The following PSMB10 variants were observed in gnomAD, a reference collection of about 807,000 sequenced individuals.
PSMB10 encodes the protein proteasome 20S subunit beta 10, also known as proteasome subunit beta type-10.
Under a neutral mutation model 29.8 loss-of-function variants are expected in PSMB10, and 29 were observed. That is an observed-to-expected ratio of 0.97 (90% CI 0.73 to 1.33). The LOEUF (loss-of-function observed/expected upper bound fraction) is 1.33. Ranked by LOEUF, PSMB10 falls within the 40% of genes most tolerant of loss-of-function variation. The probability of loss-of-function intolerance (pLI) is 0.00; values close to 1 mark genes in which losing one functional copy is unlikely to be tolerated. For synonymous variants in PSMB10, 157 were observed against 164.7 expected (o/e 0.95, Z 0.36); for missense variants, 327 against 369.2 (o/e 0.89, Z 0.94).
In PSMB10 at chr16:67,934,688, A is replaced by G. The variant is rs369027242; in HGVS notation, c.711-17T>C. 20 of 1,613,468 alleles carry G rather than the reference A, an allele frequency of 1.2e-5. No individual in the cohort carries two copies. The highest frequency in any genetic ancestry group is 1.5e-5 in the Non-Finnish European group (18 of 1,179,618). On this transcript the variant is annotated splice_polypyrimidine_tract_variant and intron_variant, in intron 7 of 7. Coordinates refer to ENST00000358514, the MANE Select transcript of PSMB10 (RefSeq NM_002801.4). The surrounding 1 kb of genome is among the most constrained non-coding windows in gnomAD (Gnocchi z 4.3). ...CGGCCAGACCTGGGAGGGAGGAGGGACAGCCTCTGAACATGGGCCTGTCAT... is the reference window on the plus strand; with the variant it reads ...CGGCCAGACCTGGGAGGGAGGAGGGGCAGCCTCTGAACATGGGCCTGTCAT...
At position 67,936,425 on chromosome 16, in the gene PSMB10, C is replaced by T; in HGVS notation, c.117G>A (p.Gly39=). 1 of 1,613,570 alleles carries T rather than the reference C, an allele frequency of 6.2e-7. No individual in the cohort carries two copies. Among genetic ancestry groups the T allele is most frequent in the Non-Finnish European group, 8.5e-7 (1 of 1,179,860 alleles). Residue 39 remains glycine (G), a synonymous_variant, in exon 2 of 8, where the codon GGG becomes GGA. Transcript: ENST00000358514. ...GGAACACCAGGCCCGCGATGGTGGTCCCGGTCTTGCGTGCGTGAGGGACCT... is the reference window on the plus strand; with the variant it reads ...GGAACACCAGGCCCGCGATGGTGGTTCCGGTCTTGCGTGCGTGAGGGACCT... ...GLKVPHARKT[G]TTIAGLVFQD...
rs777607072 is a variant in PSMB10, at chr16:67,936,095, C to T, written c.251G>A (p.Gly84Glu). The change falls in exon 4 of 8, where the codon GGG becomes GAG. Residue 84 changes from glycine to glutamate, a missense_variant. Physicochemically the swap from Gly to Glu is moderately conservative, Grantham distance 98. Coordinates refer to ENST00000358514, the MANE Select transcript of PSMB10 (RefSeq NM_002801.4). ...HFIAPKIYCC[G>E]AGVAADAEMT... Reference sequence around the variant, plus strand: ...CTCGGCGTCCGCGGCTACTCCAGCCCCACAGCAGCTGAGGCAAAAGGGAGG... The same window carrying T: ...CTCGGCGTCCGCGGCTACTCCAGCCTCACAGCAGCTGAGGCAAAAGGGAGG... 2.5e-5 allele frequency: 40 copies of T among 1,609,330 alleles called. No individual in the cohort carries two copies. The highest frequency in any genetic ancestry group is 3.1e-5 in the Non-Finnish European group (37 of 1,176,456).
rs2058258957 is a variant in PSMB10 at position 67,935,400 on chromosome 16, CG to C, written c.558+19del. 1.9e-6 allele frequency: 3 copies of C among 1,613,212 alleles called. No individual in the cohort carries two copies. The South Asian group carries it at 3.3e-5, about 18-fold the overall frequency. On this transcript the variant is annotated intron_variant, in intron 6 of 7. Coordinates refer to ENST00000358514, the MANE Select transcript of PSMB10 (RefSeq NM_002801.4). Reference sequence around the variant, plus strand: ...CACATCCCACCAGCGACCACAAAGTCGGGGACAGAGGCCGCTCACCGTCATG... The same window carrying C: ...CACATCCCACCAGCGACCACAAAGTCGGGACAGAGGCCGCTCACCGTCATG...
chr16:67,936,025 T>C lies in PSMB10; in HGVS notation c.321A>G (p.Leu107=). ...CCACGCGGGGCTCGCGGCCCGTAGA[T>C]AACGCGTGTAGCTCCATCTTGGACG... is the stretch of plus-strand genomic sequence containing the variant. ...MVASKMELHA[L]STGREPRVAT... is the part of the protein sequence containing the mutation. Residue 107 remains leucine, a synonymous_variant, in exon 4 of 8, where the codon TTA becomes TTG. Coordinates refer to ENST00000358514, the MANE Select transcript of PSMB10 (RefSeq NM_002801.4). The C allele has an allele frequency of 6.2e-7, 1 of 1,612,754 alleles. No individual in the cohort carries two copies. The highest frequency in any genetic ancestry group is 1.3e-5 in the African/African-American group (1 of 75,018).
chr16:67,934,564 T>G lies in PSMB10; in HGVS notation c.818A>C (p.Glu273Ala). 6.2e-7 allele frequency: 1 copy of G among 1,613,562 alleles called. No homozygotes were observed. The change falls in exon 8 of 8, where the codon GAG (glutamate) becomes GCG (alanine). Residue 273 changes from glutamate (E) to alanine (A), a missense_variant. Transcript: ENST00000358514. The surrounding 1 kb of genome is among the most constrained non-coding windows in gnomAD (Gnocchi z 4.3). Reference protein sequence around the residue: ...VEETVQAMEVE With the variant: ...VEETVQAMEVA ...TTCCAAGCTCTAAGCCTCAGCTTACTCCACCTCCATAGCCTGCACAGTTTC... is the reference window on the plus strand; with the variant it reads ...TTCCAAGCTCTAAGCCTCAGCTTACGCCACCTCCATAGCCTGCACAGTTTC...
rs2058261341 is a variant in PSMB10, at chr16:67,935,895, T to C, written c.383+68A>G. 1.9e-6 allele frequency: 3 copies of C among 1,565,176 alleles called. No homozygotes were observed. The South Asian group carries it at 3.5e-5, about 18-fold the overall frequency. ...CGTCGCGGTCCCGCCCTTCTTTCTG[T>C]CCCGCCTTCCAATGGCCCCAACCCC... On this transcript the variant is annotated intron_variant, in intron 4 of 7. Coordinates refer to ENST00000358514, the MANE Select transcript of PSMB10 (RefSeq NM_002801.4).
chr16:67,936,073 G>GTA lies in PSMB10; in HGVS notation c.272_273insTA (p.Glu92ThrfsTer3). 6 of 1,611,008 alleles carry GTA rather than the reference G, an allele frequency of 3.7e-6. No homozygotes were observed. In the South Asian group the frequency reaches 5.5e-5, roughly 15 times the overall value. On this transcript the variant is annotated frameshift_variant, in exon 4 of 8. Transcript: ENST00000358514. LOFTEE classifies it high-confidence loss of function. The stretch of plus-strand genomic sequence containing the variant: ...ACGCCACCATCCGTGTGGTCATCTC[G>GTA]GCGTCCGCGGCTACTCCAGCCCCAC...
intron 6 of PSMB10, chr16:67,935,158 G>GT (rs2058257959): frequency 4.2e-6 from 3 of 719,088 alleles, no homozygotes; most frequent in Non-Finnish European, 6.8e-6. Flanking sequence ...GTTGATATAA[G>GT]TAGGACCCTA....
At chr16:67,936,658 G>A in intron 1 of PSMB10, 36 bp downstream of exon 1, 2 of 1,541,780 alleles carry the variant, frequency 1.3e-6, no homozygotes, top group Middle Eastern at 1.7e-4. Flanking sequence ...AGCAGAGGCG[G>A]CTCAGGAGTG....
chr16:67,934,746 C>T lies in PSMB10; in HGVS notation c.710+51G>A, dbSNP rs1291853264. ...ATCCCCTTTTTGCAGCCCCCTATCT[C>T]CCCTGCTATAGCCCCACACATCCCT... is the stretch of plus-strand genomic sequence containing the variant. On this transcript the variant is annotated intron_variant, in intron 7 of 7. Transcript: ENST00000358514. This position sits in a 1 kb window ranked among gnomAD's most constrained non-coding sequence, Gnocchi z 4.3. The T allele has an allele frequency of 1.2e-6, 2 of 1,610,342 alleles. No individual in the cohort carries two copies. Among genetic ancestry groups the T allele is most frequent in the Non-Finnish European group, 1.7e-6 (2 of 1,176,946 alleles).
rs1179623167 is a variant in PSMB10, at chr16:67,934,716, G to A, written c.711-45C>T. On this transcript the variant is annotated intron_variant, in intron 7 of 7. Coordinates refer to ENST00000358514, the MANE Select transcript of PSMB10 (RefSeq NM_002801.4). This position sits in a 1 kb window ranked among gnomAD's most constrained non-coding sequence, Gnocchi z 4.3. The stretch of plus-strand genomic sequence containing the variant: ...GCCTCTGAACATGGGCCTGTCATGT[G>A]GCCCATCCCCTTTTTGCAGCCCCCT... 1 of 1,611,436 alleles carries A rather than the reference G, an allele frequency of 6.2e-7. No homozygotes were observed. The highest frequency in any genetic ancestry group is 8.5e-7 in the Non-Finnish European group (1 of 1,177,824).
chr16:67,936,672 GC>G, intron 1 of PSMB10, 21 bp downstream of exon 1: 2 of 1,545,386 alleles, frequency 1.3e-6, no homozygotes, highest in Admixed American at 2.0e-5. Flanking sequence ...AGGAGTGACC[GC>G]CCCCCGCGCC....
In PSMB10 at chr16:67,934,641, G is replaced by T. The variant is rs745493826; in HGVS notation, c.741C>A (p.Thr247=). Residue 247 remains threonine, a synonymous_variant, in exon 8 of 8, where the codon ACC becomes ACA. Transcript: ENST00000358514. The surrounding 1 kb of genome is among the most constrained non-coding windows in gnomAD (Gnocchi z 4.3). ...RSGRYHFVPG[T]TAVLTQTVKP... ...TCACTGTCTGGGTCAGGACAGCTGT[G>T]GTTCCAGGCACAAAGTGGTAGCGGC... 1 of 1,614,162 alleles carries T rather than the reference G, an allele frequency of 6.2e-7. No homozygotes were observed. Among genetic ancestry groups the T allele is most frequent in the East Asian group, 2.2e-5 (1 of 44,888 alleles).
chr16:67,935,056 C>A, intron 6 of PSMB10, 108 bp from the exon 7 acceptor site: 1 of 1,414,502 alleles, frequency 7.1e-7, no homozygotes, highest in Non-Finnish European at 9.5e-7. Flanking sequence ...GCCCTCCAAA[C>A]CCCCACTGTG....
At chr16:67,936,362 C>T (rs750220820) in intron 2 of PSMB10, 36 bp downstream of exon 2, 4 of 1,611,064 alleles carry the variant, frequency 2.5e-6, no homozygotes, top group South Asian at 1.1e-5. Flanking sequence ...ATACTCTCGG[C>T]TCCCCTCCAG....
At chr16:67,935,837 T>A (rs2058261036) in intron 4 of PSMB10, 126 bp downstream of exon 4, 2 of 1,479,992 alleles carry the variant, frequency 1.4e-6, no homozygotes, top group Admixed American at 4.2e-5. Flanking sequence ...TAGCCCAGGT[T>A]CTCTTGGGCC....
rs941929811 is a variant in PSMB10 at position 67,935,457 on chromosome 16, A to G, written c.521T>C (p.Leu174Pro). ...TALGSGQDAA[L>P]AVLEDRFQPN... Reference sequence around the variant, plus strand: ...CTGGAACCGGTCTTCTAGCACCGCCAGGGCCGCGTCCTGACCAGAGCCTGA... The same window carrying G: ...CTGGAACCGGTCTTCTAGCACCGCCGGGGCCGCGTCCTGACCAGAGCCTGA... The change falls in exon 6 of 8, where the codon CTG (leucine) becomes CCG (proline). Residue 174 changes from leucine to proline, a missense_variant. Coordinates refer to ENST00000358514, the MANE Select transcript of PSMB10 (RefSeq NM_002801.4). 1 of 1,614,022 alleles carries G rather than the reference A, an allele frequency of 6.2e-7. No homozygotes were observed. Among genetic ancestry groups the G allele is most frequent in the African/African-American group, 1.3e-5 (1 of 74,924 alleles).
At position 67,935,709 on chromosome 16, in the gene PSMB10, T is replaced by C. The variant is rs1025664791; in HGVS notation, c.384-12A>G. 6 of 1,612,390 alleles carry C rather than the reference T, an allele frequency of 3.7e-6. No homozygotes were observed. The highest frequency in any genetic ancestry group is 1.3e-5 in the African/African-American group (1 of 74,880). On this transcript the variant is annotated splice_polypyrimidine_tract_variant and intron_variant, in intron 4 of 7. Transcript: ENST00000358514. ...CGTGGCCCTGGTACCTGCTCGAGGA[T>C]GGGCGGGGTCGGCCACAAGCTGGGG...
In PSMB10 at chr16:67,935,990, G is replaced by A. The variant is rs1466220286; in HGVS notation, c.356C>T (p.Thr119Ile). ...TGREPRVATV[T>I]RILRQTLFRY... ...GAAGAGCGTCTGGCGCAGGATGCGA[G>A]TGACCGTGGCCACGCGGGGCTCGCG... The change falls in exon 4 of 8, where the codon ACT (threonine) becomes ATT (isoleucine). Residue 119 changes from threonine (T) to isoleucine (I), a missense_variant. Thr to Ile is a moderately conservative substitution (Grantham distance 89, BLOSUM62 -1). Coordinates refer to ENST00000358514, the MANE Select transcript of PSMB10 (RefSeq NM_002801.4). 6.2e-7 allele frequency: 1 copy of A among 1,612,202 alleles called. No individual in the cohort carries two copies. Among genetic ancestry groups the A allele is most frequent in the Middle Eastern group, 1.7e-4 (1 of 6,018 alleles).
Sources: allele counts gnomAD v4.1 joint callset, GRCh38; gene constraint gnomAD v4.1.1; non-coding constraint Gnocchi (gnomAD v3.1); transcripts MANE v1.5; gene names NCBI Gene and HGNC (gene_info 2026-07-23, HGNC 2026-07-21).